TRDN: variants seen among roughly 807,000 people sequenced by gnomAD.
TRDN encodes triadin in skeletal muscle.
In TRDN, 161 loss-of-function variants were observed where a neutral mutation model predicts 149.7. The observed-to-expected ratio is 1.08, with a 90% CI of 0.95 to 1.23. The LOEUF is 1.23. Ranked by LOEUF, TRDN falls within the 50% of genes most tolerant of loss-of-function variation. The pLI, the probability that TRDN is intolerant of heterozygous loss-of-function variation, is 0.00. For synonymous variants in TRDN, 294 were observed against 250.5 expected, an observed-to-expected ratio of 1.17 and a Z score of -1.64; for missense variants, 896 against 823.5, an observed-to-expected ratio of 1.09 and a Z score of -1.08.
intron 10 of TRDN, among the ~76,000 whole-genome samples, chr6:123,455,260 A>G (rs1344992582): frequency 6.6e-6 from 1 of 152,226 alleles, no homozygotes; most frequent in Non-Finnish European, 1.5e-5. Context: ...TGGATAAGGT[A>G]GATTTCTCCC....
chr6:123,423,897 C>T (rs1018205917), intron 12 of TRDN, among the ~76,000 whole-genome samples: 1 of 152,068 alleles, frequency 6.6e-6, no homozygotes, highest in African/African-American at 2.4e-5. Context: ...TACTTAAAGA[C>T]TATGGACAGC....
chr6:123,604,425 A>G (rs532332053), intron 1 of TRDN, among the ~76,000 whole-genome samples: 3 of 152,364 alleles, frequency 2.0e-5, no homozygotes, highest in South Asian at 2.1e-4. Context: ...CAGAAAATAC[A>G]TTTACAATGC....
intron 5 of TRDN, among the ~76,000 whole-genome samples, chr6:123,519,361 C>T (rs1779561343): frequency 6.6e-6 from 1 of 152,054 alleles, no homozygotes; most frequent in African/African-American, 2.4e-5. Context: ...TGGCCCCTTT[C>T]CAGCCCTCCC....
intron 10 of TRDN, among the ~76,000 whole-genome samples, chr6:123,442,533 G>C (rs1208647781): frequency 1.1e-5 from 1 of 93,976 alleles, no homozygotes; most frequent in Non-Finnish European, 1.9e-5. Context: ...GCCACAGAGC[G>C]AGACTCCGTC....
chr6:123,381,969 C>T (rs989291825), intron 15 of TRDN, 149 bp downstream of exon 15: 4 of 533,922 alleles, frequency 7.5e-6, no homozygotes, highest in Admixed American at 8.6e-5. Context: ...CTCTCTCTCT[C>T]TCTCTCTCTC....
At chr6:123,455,887 A>G (rs2114673688) in intron 10 of TRDN, among the ~76,000 whole-genome samples, 1 of 152,222 alleles carries the variant, frequency 6.6e-6, no homozygotes, top group South Asian at 2.1e-4. Flanking sequence ...TTTTTCTGTA[A>G]TTGGAAATGG....
chr6:123,528,302 A>G (rs548526471), intron 5 of TRDN, among the ~76,000 whole-genome samples: 3 of 150,870 alleles, frequency 2.0e-5, no homozygotes, highest in African/African-American at 7.3e-5. Flanking sequence ...TGATGGGTCA[A>G]TTATATAGGT....
At chr6:123,304,706 G>C (rs983964565) in intron 24 of TRDN, among the ~76,000 whole-genome samples, 2 of 151,992 alleles carry the variant, frequency 1.3e-5, no homozygotes, top group Non-Finnish European at 2.9e-5. Context: ...TTAAACACAG[G>C]TTTCTGATAA....
intron 38 of TRDN, among the ~76,000 whole-genome samples, chr6:123,240,884 TAC>T (rs1416774562): frequency 6.6e-6 from 1 of 151,918 alleles, no homozygotes; most frequent in Non-Finnish European, 1.5e-5. Flanking sequence ...TAACAGAAGT[TAC>T]TTGATTTTTG....
rs369956646 is a variant in TRDN at position 123,559,803 on chromosome 6, T to G, written c.232+11120A>C. ...ACCAAATTGTTTTGCCTATCCACCC[T>G]GTGGTTCCAAACCCATATACTCTCC... On this transcript the variant is annotated intron_variant, in intron 2 of 40. Transcript: ENST00000334268. Among the ~76,000 whole-genome samples the G allele has an allele frequency of 1.1e-4, 16 of 152,008 alleles. No homozygotes were observed. The South Asian group carries it at 1.2e-3, about 12-fold the overall frequency.
chr6:123,496,455 T>C (rs1778451016), intron 9 of TRDN, among the ~76,000 whole-genome samples: 1 of 152,124 alleles, frequency 6.6e-6, no homozygotes, highest in African/African-American at 2.4e-5. Context: ...CTAATATAAA[T>C]GAGCTCCTTC....
At chr6:123,450,762 A>G (rs1775719800) in intron 10 of TRDN, among the ~76,000 whole-genome samples, 1 of 152,160 alleles carries the variant, frequency 6.6e-6, no homozygotes, top group Non-Finnish European at 1.5e-5. Context: ...TAACAGATAT[A>G]TACAGAACAT....
At chr6:123,462,109 A>C (rs1776483884) in intron 10 of TRDN, 2 of 152,222 alleles carry the variant, frequency 1.3e-5, no homozygotes, top group Non-Finnish European at 2.9e-5. Flanking sequence ...GATCTTTTCA[A>C]AACCTATTGT....
intron 38 of TRDN, among the ~76,000 whole-genome samples, chr6:123,250,927 CA>C (rs1776349694): frequency 2.0e-5 from 3 of 152,232 alleles, no homozygotes; most frequent in Admixed American, 1.3e-4. Flanking sequence ...ACCTCAACTT[CA>C]ACCAATACTT....
intron 37 of TRDN, among the ~76,000 whole-genome samples, chr6:123,252,719 C>G (rs1259576008): frequency 2.0e-5 from 3 of 152,050 alleles, no homozygotes; most frequent in Non-Finnish European, 4.4e-5. Context: ...TTCCTGTGCT[C>G]AAGCAATCCT....
chr6:123,442,545 C>CAAAAAAAAAAAAAAAAAAA (rs1434202710), intron 10 of TRDN, among the ~76,000 whole-genome samples: 1 of 36,432 alleles, frequency 2.7e-5, no homozygotes, highest in African/African-American at 1.0e-4. Flanking sequence ...GACTCCGTCT[C>CAAAAAAAAAAAAAAAAAAA]AAAAAAAAAA....
chr6:123,636,646 CA>C (rs1007183969), intron 1 of TRDN, 107 bp downstream of exon 1: 28 of 1,309,410 alleles, frequency 2.1e-5, no homozygotes, highest in Non-Finnish European at 2.8e-5. Flanking sequence ...TTGACCAAGG[CA>C]ATTACCTTAA....
chr6:123,335,285 A>T (rs1484942863), intron 22 of TRDN, among the ~76,000 whole-genome samples: 1 of 151,826 alleles, frequency 6.6e-6, no homozygotes. Context: ...TAAATCAATA[A>T]TCATATGCTG....
At chr6:123,371,133 T>C (rs1582930430) in intron 19 of TRDN, among the ~76,000 whole-genome samples, 1 of 152,110 alleles carries the variant, frequency 6.6e-6, no homozygotes, top group African/African-American at 2.4e-5. Context: ...AATCCTCCCA[T>C]ATTTCAAGAA....
Sources: allele counts gnomAD v4.1 joint callset (sites outside exome capture counted in the v4.1 genomes callset), GRCh38; gene constraint gnomAD v4.1.1; transcripts MANE v1.5; gene names NCBI Gene and HGNC (gene_info 2026-07-23, HGNC 2026-07-21).